The following PDE1A variants were observed in gnomAD, a reference collection of about 807,000 sequenced individuals.
PDE1A encodes dual specificity calcium/calmodulin-dependent 3',5'-cyclic nucleotide phosphodiesterase 1A.
A neutral mutation model predicts 61.7 loss-of-function variants in PDE1A; 35 were observed. The ratio of observed to expected loss-of-function variants is 0.57; its 90% CI spans 0.43 to 0.75. PDE1A has a LOEUF of 0.75. Among genes scored for constraint, PDE1A ranks in the 30% least tolerant of loss-of-function variants. The pLI, the probability that PDE1A is intolerant of heterozygous loss-of-function variation, is 0.00. For synonymous variants in PDE1A, 232 were observed against 213.2 expected, an observed-to-expected ratio of 1.09 and a Z score of -0.77; for missense variants, 597 against 630.6, an observed-to-expected ratio of 0.95 and a Z score of 0.57.
chr2:182,186,333 A>C lies in PDE1A; in HGVS notation c.1328+135T>G, dbSNP rs1361223678. On this transcript the variant is annotated intron_variant, in intron 12 of 13. Coordinates refer to ENST00000351439, the Ensembl canonical transcript of PDE1A. Reference sequence around the variant, plus strand: ...TCAAAGGCAGATGCAATATAATATAAAGCCACTAGGTGGCAATACTCCCTA... The same window carrying C: ...TCAAAGGCAGATGCAATATAATATACAGCCACTAGGTGGCAATACTCCCTA... The C allele has an allele frequency of 5.8e-6, 6 of 1,035,508 alleles. No homozygotes were observed. The Admixed American group carries it at 1.3e-4, about 22-fold the overall frequency. The allele number at this position is 1,035,508 out of a possible 1,614,324, so 64.1% of individuals were successfully genotyped here.
chr2:182,680,093 A>G, the PDE1A span, among the ~76,000 whole-genome samples: 2 of 152,208 alleles, frequency 1.3e-5, no homozygotes, highest in South Asian at 4.1e-4. Context: ...AAGATAAAAT[A>G]TGGTCAGTCA....
the PDE1A span, among the ~76,000 whole-genome samples, chr2:182,660,883 C>T: frequency 2.0e-5 from 3 of 152,324 alleles, no homozygotes; most frequent in African/African-American, 4.8e-5. Context: ...CCAGACTCCT[C>T]GCCCTGGAAA....
At chr2:182,481,947 A>T (rs971672012) in intron 2 of PDE1A, among the ~76,000 whole-genome samples, 8 of 151,900 alleles carry the variant, frequency 5.3e-5, no homozygotes, top group Non-Finnish European at 1.0e-4. Flanking sequence ...TGAGTGACCA[A>T]TGTAATTATC....
the PDE1A span, among the ~76,000 whole-genome samples, chr2:182,588,911 C>T: frequency 2.0e-5 from 3 of 151,632 alleles, no homozygotes; most frequent in African/African-American, 7.3e-5. Flanking sequence ...GGCATGATGG[C>T]GGATGCCTGT....
At chr2:182,668,336 G>A in the PDE1A span, among the ~76,000 whole-genome samples, 5 of 152,128 alleles carry the variant, frequency 3.3e-5, no homozygotes, top group Admixed American at 2.6e-4. Flanking sequence ...AGGAACCATG[G>A]ACTTAGGCAG....
intron 2 of PDE1A, among the ~76,000 whole-genome samples, chr2:182,243,507 TACTG>T: frequency 6.6e-6 from 1 of 152,284 alleles, no homozygotes; most frequent in East Asian, 1.9e-4. Context: ...GGCTGGAGTA[TACTG>T]ACTGAGAGAG....
At chr2:182,258,980 TG>T (rs1692021691) in intron 2 of PDE1A, among the ~76,000 whole-genome samples, 2 of 152,250 alleles carry the variant, frequency 1.3e-5, no homozygotes, top group Admixed American at 1.3e-4. Context: ...TGCACAATTT[TG>T]CTCCTGATTC....
intron 2 of PDE1A, among the ~76,000 whole-genome samples, chr2:182,257,674 G>C (rs1368185837): frequency 6.6e-6 from 1 of 152,212 alleles, no homozygotes. Context: ...TTGATCCTTA[G>C]AGATGAATGA....
At chr2:182,502,581 G>A (rs1462333460) in intron 2 of PDE1A, among the ~76,000 whole-genome samples, 1 of 152,050 alleles carries the variant, frequency 6.6e-6, no homozygotes, top group African/African-American at 2.4e-5. Context: ...ATTTGTTAAG[G>A]CCACTTGAGC....
At chr2:182,191,850 TTTTTTTTA>T (rs1559161827) in intron 10 of PDE1A, among the ~76,000 whole-genome samples, 1 of 151,460 alleles carries the variant, frequency 6.6e-6, no homozygotes. Flanking sequence ...TACTTTCTTT[TTTTTTTTA>T]TTTTTTTATT....
At chr2:182,197,641 T>C (rs567157358) in intron 10 of PDE1A, among the ~76,000 whole-genome samples, 3 of 151,920 alleles carry the variant, frequency 2.0e-5, no homozygotes, top group Non-Finnish European at 2.9e-5. Flanking sequence ...TTCCATTTCC[T>C]TTTGTGGAAA....
intron 1 of PDE1A, among the ~76,000 whole-genome samples, chr2:182,278,906 G>T (rs1693620916): frequency 6.6e-6 from 1 of 151,948 alleles, no homozygotes; most frequent in Non-Finnish European, 1.5e-5. Flanking sequence ...TTTGTATAGG[G>T]TATTAGGAAC....
At chr2:182,144,157 C>G (rs1690371305), downstream of PDE1A, among the ~76,000 whole-genome samples, 1 of 152,164 alleles carries the variant, frequency 6.6e-6, no homozygotes, top group Non-Finnish European at 1.5e-5. Context: ...ATTTTGATCT[C>G]TTGTTGGATA....
intron 2 of PDE1A, among the ~76,000 whole-genome samples, chr2:182,455,196 A>G (rs146672402): frequency 0.17 from 25,556 of 151,896 alleles, 2,557 homozygotes; most frequent in Middle Eastern, 0.35. Flanking sequence ...GCAAATCAAA[A>G]CCACAATGAG....
the PDE1A span, among the ~76,000 whole-genome samples, chr2:182,670,864 C>T: frequency 6.6e-6 from 1 of 152,148 alleles, no homozygotes; most frequent in Non-Finnish European, 1.5e-5. Flanking sequence ...GTCGTCCTGG[C>T]TGGAGTGCAG....
chr2:182,541,129 A>G, the PDE1A span, among the ~76,000 whole-genome samples: 1 of 152,220 alleles, frequency 6.6e-6, no homozygotes, highest in Non-Finnish European at 1.5e-5. Context: ...AACATATACA[A>G]CAATATCTAA....
chr2:182,452,168 G>C (rs4572561), intron 2 of PDE1A, among the ~76,000 whole-genome samples: 2 of 151,818 alleles, frequency 1.3e-5, no homozygotes, highest in African/African-American at 2.4e-5. Flanking sequence ...TCTTCTGTAC[G>C]TAAGAACTCA....
chr2:182,641,548 T>C, the PDE1A span, among the ~76,000 whole-genome samples: 12 of 152,226 alleles, frequency 7.9e-5, no homozygotes, highest in Non-Finnish European at 1.5e-4. Context: ...TTTTGGACTT[T>C]TATTCATCTC....
chr2:182,356,978 C>T (rs1456624807), intron 1 of PDE1A, among the ~76,000 whole-genome samples: 1 of 151,886 alleles, frequency 6.6e-6, no homozygotes, highest in East Asian at 1.9e-4. Context: ...GGGAATTGAA[C>T]AATGAGAACA....
Sources: gnomAD v4.1 joint callset for allele counts (sites outside exome capture counted in the v4.1 genomes callset) on GRCh38, gnomAD v4.1.1 for gene constraint, MANE v1.5 for transcripts, NCBI Gene and HGNC (gene_info 2026-07-23, HGNC 2026-07-21) for gene names.